Variants in WWOX observed in about 807,000 individuals in gnomAD.
The protein encoded by WWOX is WW domain-containing oxidoreductase.
Under a neutral mutation model 46.2 loss-of-function variants are expected in WWOX, and 69 were observed. The ratio of observed to expected loss-of-function variants is 1.49; its 90% CI spans 1.23 to 1.82. WWOX has a LOEUF of 1.82. WWOX is among the 40% of genes most tolerant of loss of function. The pLI, the probability that WWOX is intolerant of heterozygous loss-of-function variation, is 0.00. For missense variants in WWOX, 919 were observed against 542.6 expected, an observed-to-expected ratio of 1.69 and a Z score of -6.89; for synonymous variants, 359 against 202.6, an observed-to-expected ratio of 1.77 and a Z score of -6.56.
At chr16:78,321,870 G>C (rs1178748239) in intron 5 of WWOX, among the ~76,000 whole-genome samples, 1 of 152,056 alleles carries the variant, frequency 6.6e-6, no homozygotes, top group African/African-American at 2.4e-5. Context: ...ATATGATTCT[G>C]TTGACATTTA....
chr16:78,810,419 G>C (rs976782428), intron 8 of WWOX, among the ~76,000 whole-genome samples: 1 of 152,170 alleles, frequency 6.6e-6, no homozygotes, highest in Non-Finnish European at 1.5e-5. Context: ...CGTATTGGCA[G>C]TTCATATAAG....
At chr16:78,374,673 C>T (rs186783305) in intron 5 of WWOX, among the ~76,000 whole-genome samples, 2 of 151,418 alleles carry the variant, frequency 1.3e-5, no homozygotes, top group African/African-American at 4.9e-5. Flanking sequence ...CTCAGCCTCC[C>T]GAGTAGCTGG....
intron 8 of WWOX, among the ~76,000 whole-genome samples, chr16:78,559,316 G>A (rs2044377832): frequency 6.6e-6 from 1 of 152,328 alleles, no homozygotes; most frequent in Admixed American, 6.5e-5. Context: ...GGTCAGGACT[G>A]GTAGCAGGTG....
intron 8 of WWOX, among the ~76,000 whole-genome samples, chr16:78,880,573 A>C (rs550682916): frequency 1.3e-5 from 2 of 152,370 alleles, no homozygotes; most frequent in Admixed American, 6.5e-5. Flanking sequence ...TTTTGAAGGT[A>C]GATAGGCAGG....
intron 5 of WWOX, among the ~76,000 whole-genome samples, chr16:78,378,543 T>C (rs2081881994): frequency 6.6e-6 from 1 of 152,224 alleles, no homozygotes; most frequent in African/African-American, 2.4e-5. Context: ...ATGATATTGA[T>C]GAATTATTAA....
At chr16:78,949,223 T>A (rs539050194) in intron 8 of WWOX, among the ~76,000 whole-genome samples, 2 of 152,292 alleles carry the variant, frequency 1.3e-5, no homozygotes, top group East Asian at 3.9e-4. Flanking sequence ...TGAGTGGCCT[T>A]GTGAGACCTG....
chr16:78,606,560 C>T (rs185358738), intron 8 of WWOX, among the ~76,000 whole-genome samples: 1 of 152,042 alleles, frequency 6.6e-6, no homozygotes, highest in Admixed American at 6.5e-5. Context: ...GTTGACCTGT[C>T]AGCTTAAAAA....
intron 8 of WWOX, among the ~76,000 whole-genome samples, chr16:78,721,461 T>C (rs1372012267): frequency 1.3e-5 from 2 of 152,218 alleles, no homozygotes; most frequent in Non-Finnish European, 2.9e-5. Flanking sequence ...CAAAGTGTTC[T>C]CTAAAGTGTT....
At chr16:78,972,691 G>T (rs2046495665) in intron 8 of WWOX, among the ~76,000 whole-genome samples, 1 of 152,122 alleles carries the variant, frequency 6.6e-6, no homozygotes, top group African/African-American at 2.4e-5. Flanking sequence ...TTCCAGCTCA[G>T]CTGCCTTCTC....
chr16:78,844,896 G>C (rs2151173044), intron 8 of WWOX, among the ~76,000 whole-genome samples: 1 of 152,320 alleles, frequency 6.6e-6, no homozygotes, highest in South Asian at 2.1e-4. Flanking sequence ...AGTGGCCAGA[G>C]CTAGTGGTTG....
At chr16:78,551,715 G>C (rs1419545194) in intron 8 of WWOX, 2 of 139,880 alleles carry the variant, frequency 1.4e-5, no homozygotes, top group African/African-American at 2.6e-5. Flanking sequence ...TAACACCCCA[G>C]CCTCCCATGA....
At chr16:79,197,589 C>G (rs913232895) in intron 8 of WWOX, among the ~76,000 whole-genome samples, 2 of 152,170 alleles carry the variant, frequency 1.3e-5, no homozygotes, top group African/African-American at 4.8e-5. Context: ...AATTATCAGA[C>G]CATTTCATTA....
chr16:78,802,982 T>G (rs972383384), intron 8 of WWOX, among the ~76,000 whole-genome samples: 2 of 107,216 alleles, frequency 1.9e-5, no homozygotes, highest in African/African-American at 7.0e-5. Flanking sequence ...GCAAGAAAGA[T>G]GAAATGATTT....
At chr16:78,848,511 C>T (rs2052357694) in intron 8 of WWOX, among the ~76,000 whole-genome samples, 1 of 152,148 alleles carries the variant, frequency 6.6e-6, no homozygotes, top group Non-Finnish European at 1.5e-5. Context: ...GGAGTGAGCA[C>T]TGTGAATGCT....
intron 8 of WWOX, among the ~76,000 whole-genome samples, chr16:78,438,774 A>T (rs2083385273): frequency 6.6e-6 from 1 of 152,184 alleles, no homozygotes. Flanking sequence ...GTGTAAAGCC[A>T]GTCATCGTGC....
intron 8 of WWOX, among the ~76,000 whole-genome samples, chr16:78,983,476 A>G (rs1356608347): frequency 6.6e-6 from 1 of 152,196 alleles, no homozygotes; most frequent in African/African-American, 2.4e-5. Flanking sequence ...TTCTAATAGG[A>G]AAGACCATCA....
At chr16:78,157,952 C>T (rs941747976) in intron 4 of WWOX, among the ~76,000 whole-genome samples, 9 of 152,198 alleles carry the variant, frequency 5.9e-5, no homozygotes, top group African/African-American at 2.2e-4. Context: ...TTATGTTAGG[C>T]TCTCAATATA....
rs547436509 is a variant in WWOX at position 78,909,808 on chromosome 16, T to G, written c.1057-301800T>G. On this transcript the variant is annotated intron_variant, in intron 8 of 8. Transcript: ENST00000566780. Reference sequence around the variant, plus strand: ...GTAGAGGGTCAGGAAAACAGTGATATGAGAAAAGGGCCAGTTACTGTCTGG... The same window carrying G: ...GTAGAGGGTCAGGAAAACAGTGATAGGAGAAAAGGGCCAGTTACTGTCTGG... Among the ~76,000 whole-genome samples, 42 of 152,310 alleles carry G rather than the reference T, an allele frequency of 2.8e-4. No homozygotes were observed. The South Asian group carries it at 8.1e-3, about 29-fold the overall frequency.
intron 8 of WWOX, among the ~76,000 whole-genome samples, chr16:79,105,035 G>C (rs1415761360): frequency 1.3e-5 from 2 of 152,118 alleles, no homozygotes; most frequent in Non-Finnish European, 2.9e-5. Context: ...GCTGGGTCTA[G>C]AGTTTTCAGT....
Sources: gnomAD v4.1 joint callset for allele counts (sites outside exome capture counted in the v4.1 genomes callset) on GRCh38, gnomAD v4.1.1 for gene constraint, MANE v1.5 for transcripts, NCBI Gene and HGNC (gene_info 2026-07-23, HGNC 2026-07-21) for gene names.